The following SRD5A2 variants were observed in gnomAD, a reference collection of about 807,000 sequenced individuals.
SRD5A2 encodes the protein steroid 5 alpha-reductase 2, also known as 3-oxo-5-alpha-steroid 4-dehydrogenase 2.
A neutral mutation model predicts 27.4 loss-of-function variants in SRD5A2; 30 were observed. The observed-to-expected ratio is 1.10, with a 90% confidence interval of 0.82 to 1.49. The LOEUF (loss-of-function observed/expected upper bound fraction) is 1.49. Among genes scored for constraint, SRD5A2 ranks in the 40% most tolerant of loss-of-function variants. The pLI is 0.00. For synonymous variants in SRD5A2, 141 were observed against 133.6 expected (o/e 1.06, Z -0.38); for missense variants, 348 against 323.4 (o/e 1.08, Z -0.58).
At chr2:31,636,614 T>G in the SRD5A2 span, among the ~76,000 whole-genome samples, 1 of 152,084 alleles carries the variant, frequency 6.6e-6, no homozygotes, top group Non-Finnish European at 1.5e-5. Flanking sequence ...GCTGTGGGTT[T>G]GTCATATGTG....
chr2:31,585,450 C>G (rs1449325264), upstream of SRD5A2, among the ~76,000 whole-genome samples: 2 of 152,064 alleles, frequency 1.3e-5, no homozygotes, highest in African/African-American at 4.8e-5. Flanking sequence ...TGCCTTGCAT[C>G]TTGGATACCA....
At chr2:31,625,982 C>T in the SRD5A2 span, among the ~76,000 whole-genome samples, 4 of 152,158 alleles carry the variant, frequency 2.6e-5, no homozygotes, top group Non-Finnish European at 5.9e-5. Flanking sequence ...ATTGATTCTT[C>T]CCATCCATGA....
At chr2:31,592,503 C>A in the SRD5A2 span, among the ~76,000 whole-genome samples, 27 of 152,198 alleles carry the variant, frequency 1.8e-4, no homozygotes, top group Non-Finnish European at 3.5e-4. Flanking sequence ...GCTGAGAGAC[C>A]TGAAGCTGGA....
At chr2:31,657,326 A>T in the SRD5A2 span, among the ~76,000 whole-genome samples, 1 of 152,228 alleles carries the variant, frequency 6.6e-6, no homozygotes. Flanking sequence ...TTAAAAGTTT[A>T]TATTTGAAAG....
chr2:31,582,634 A>C (rs970817551), upstream of SRD5A2, among the ~76,000 whole-genome samples: 3 of 152,160 alleles, frequency 2.0e-5, no homozygotes, highest in Non-Finnish European at 2.9e-5. Flanking sequence ...CTAGATTGCC[A>C]GCAAAGATAT....
chr2:31,533,590 C>T lies in SRD5A2; in HGVS notation c.445+13G>A. The T allele has an allele frequency of 6.4e-7, 1 of 1,550,388 alleles. No individual in the cohort carries two copies. The highest frequency in any genetic ancestry group is 8.7e-7 in the Non-Finnish European group (1 of 1,146,200). On this transcript the variant is annotated intron_variant, in intron 2 of 4. Coordinates refer to ENST00000622030, the MANE Select transcript of SRD5A2 (RefSeq NM_000348.4). The stretch of plus-strand genomic sequence containing the variant: ...AGCTGGGAAGTAGGTGAGAAGTGGG[C>T]AGATTCACTTACCCAAGCTAAACCG...
At chr2:31,568,030 A>G (rs948915375) in intron 1 of SRD5A2, among the ~76,000 whole-genome samples, 1 of 152,192 alleles carries the variant, frequency 6.6e-6, no homozygotes, top group Non-Finnish European at 1.5e-5. Flanking sequence ...AGATGACAGC[A>G]TAAGTGCCGG....
intron 1 of SRD5A2, among the ~76,000 whole-genome samples, chr2:31,564,119 C>A (rs898822385): frequency 1.8e-4 from 28 of 151,960 alleles, no homozygotes; most frequent in African/African-American, 5.8e-4. Context: ...AAAACTGACA[C>A]CGAAATGACA....
At chr2:31,561,241 T>G (rs1470320420) in intron 1 of SRD5A2, among the ~76,000 whole-genome samples, 1 of 152,180 alleles carries the variant, frequency 6.6e-6, no homozygotes, top group Non-Finnish European at 1.5e-5. Flanking sequence ...ATTTACAGTG[T>G]GGATTAGCCC....
the SRD5A2 span, among the ~76,000 whole-genome samples, chr2:31,588,088 T>C: frequency 3.3e-5 from 5 of 151,588 alleles, no homozygotes; most frequent in South Asian, 8.3e-4. Context: ...GAAAAAAGAA[T>C]CAAAAAGAAT....
the SRD5A2 span, among the ~76,000 whole-genome samples, chr2:31,605,505 A>G: frequency 6.8e-6 from 1 of 146,570 alleles, no homozygotes; most frequent in Admixed American, 6.7e-5. Context: ...GACACTTCTC[A>G]AAATAAAACA....
At chr2:31,610,508 G>A in the SRD5A2 span, among the ~76,000 whole-genome samples, 1 of 152,100 alleles carries the variant, frequency 6.6e-6, no homozygotes, top group African/African-American at 2.4e-5. Context: ...TATAAGTCAT[G>A]TATGACAAGC....
At chr2:31,609,719 T>C in the SRD5A2 span, among the ~76,000 whole-genome samples, 1 of 152,240 alleles carries the variant, frequency 6.6e-6, no homozygotes, top group Non-Finnish European at 1.5e-5. Context: ...AGTGGTTTCT[T>C]AGGTGGGACC....
chr2:31,638,332 T>G, the SRD5A2 span, among the ~76,000 whole-genome samples: 1 of 152,150 alleles, frequency 6.6e-6, no homozygotes, highest in Non-Finnish European at 1.5e-5. Context: ...TGTTTAGACT[T>G]GTCTTGTGGT....
chr2:31,536,511 G>C (rs1167541718), intron 1 of SRD5A2, among the ~76,000 whole-genome samples: 2 of 152,206 alleles, frequency 1.3e-5, no homozygotes, highest in East Asian at 3.9e-4. Context: ...CATTCTTTTG[G>C]CCCCACCCAA....
chr2:31,535,960 T>C (rs1666018799), intron 1 of SRD5A2, among the ~76,000 whole-genome samples: 1 of 152,212 alleles, frequency 6.6e-6, no homozygotes, highest in South Asian at 2.1e-4. Context: ...AACTCCTTCA[T>C]CTGTAAACTG....
chr2:31,583,614 G>GAAAAAAAA (rs1215302510), upstream of SRD5A2, among the ~76,000 whole-genome samples: 3 of 19,112 alleles, frequency 1.6e-4, no homozygotes, highest in Admixed American at 1.6e-3. Context: ...CTCCTTCCAG[G>GAAAAAAAA]AAAAAAAAAA....
At chr2:31,634,902 A>T in the SRD5A2 span, among the ~76,000 whole-genome samples, 1 of 152,148 alleles carries the variant, frequency 6.6e-6, no homozygotes, top group African/African-American at 2.4e-5. Context: ...TCCATTGGGT[A>T]TATGTAGCAC....
At chr2:31,631,544 T>C in the SRD5A2 span, among the ~76,000 whole-genome samples, 2 of 151,574 alleles carry the variant, frequency 1.3e-5, no homozygotes, top group African/African-American at 4.9e-5. Flanking sequence ...CCAGCCAGAG[T>C]GTACGTACCT....
Sources: gnomAD v4.1 joint callset for allele counts (sites outside exome capture counted in the v4.1 genomes callset) on GRCh38, gnomAD v4.1.1 for gene constraint, MANE v1.5 for transcripts, NCBI Gene and HGNC (gene_info 2026-07-23, HGNC 2026-07-21) for gene names.